The following ANK3 variants were observed in gnomAD, a reference collection of about 807,000 sequenced individuals.
ANK3 encodes the protein ankyrin 3.
In ANK3, 57 loss-of-function variants were observed where a neutral mutation model predicts 370.9. That is an observed-to-expected ratio of 0.15 (90% CI 0.12 to 0.19). The LOEUF is 0.19. Ranked by LOEUF, ANK3 falls within the 10% of genes least tolerant of loss-of-function variation. The pLI, the probability that ANK3 is intolerant of heterozygous loss-of-function variation, is 1.00. For missense variants in ANK3, 4,439 were observed against 5,302.1 expected (o/e 0.84, Z 5.06); for synonymous variants, 1,929 against 1,946.3 (o/e 0.99, Z 0.23).
At chr10:60,728,111 CT>C (rs35251558) in intron 1 of ANK3, among the ~76,000 whole-genome samples, 6 of 152,090 alleles carry the variant, frequency 3.9e-5, no homozygotes, top group Admixed American at 2.6e-4. Context: ...CAAATCAGGG[CT>C]TTTTTTCTTT....
chr10:60,567,523 C>T lies in ANK3; in HGVS notation c.96+47663G>A, dbSNP rs371727393. ...CAATGCACCTGATCACCCAAGATCT[C>T]TGATGGAGATATACAAGCAGACTAA... On this transcript the variant is annotated intron_variant, in intron 2 of 43. Transcript: ENST00000373827. 9.9e-5 allele frequency among the ~76,000 whole-genome samples: 15 copies of T among 152,240 alleles called. No homozygotes were observed. In the East Asian group the frequency reaches 2.7e-3, roughly 27 times the overall value.
chr10:60,077,301 T>A (rs2084057691), intron 36 of ANK3, among the ~76,000 whole-genome samples: 2 of 152,202 alleles, frequency 1.3e-5, no homozygotes, highest in African/African-American at 2.4e-5. Flanking sequence ...TTAAAATGCA[T>A]GTGTACATAT....
At chr10:60,638,286 T>G (rs1368121084) in intron 1 of ANK3, among the ~76,000 whole-genome samples, 1 of 152,160 alleles carries the variant, frequency 6.6e-6, no homozygotes, top group Non-Finnish European at 1.5e-5. Context: ...CATGCGATAT[T>G]GGGTAGACCT....
At chr10:60,520,071 G>GT (rs1163317697) in intron 2 of ANK3, among the ~76,000 whole-genome samples, 2 of 152,032 alleles carry the variant, frequency 1.3e-5, no homozygotes, top group Non-Finnish European at 2.9e-5. Flanking sequence ...CATTTTAGCG[G>GT]TACATATACA....
intron 23 of ANK3, among the ~76,000 whole-genome samples, chr10:60,152,301 A>G (rs1015690305): frequency 6.6e-6 from 1 of 152,162 alleles, no homozygotes; most frequent in Non-Finnish European, 1.5e-5. Context: ...GTATCACACA[A>G]TCAGGCCTGT....
intron 8 of ANK3, among the ~76,000 whole-genome samples, chr10:60,217,429 T>C (rs537633156): frequency 6.6e-6 from 1 of 152,228 alleles, no homozygotes; most frequent in East Asian, 1.9e-4. Context: ...ACTGCTTTAG[T>C]TGCCTCCTAG....
At chr10:60,691,180 C>T (rs941011387) in intron 1 of ANK3, among the ~76,000 whole-genome samples, 1 of 152,150 alleles carries the variant, frequency 6.6e-6, no homozygotes, top group Admixed American at 6.6e-5. Context: ...TTTCTTGACA[C>T]ATAGAGAAAA....
At position 60,072,772 on chromosome 10, in the gene ANK3, C is replaced by T. The variant is rs1347146288; in HGVS notation, c.8109G>A (p.Gly2703=). 1 of 1,613,964 alleles carries T rather than the reference C, an allele frequency of 6.2e-7. No homozygotes were observed. The highest frequency in any genetic ancestry group is 8.5e-7 in the Non-Finnish European group (1 of 1,180,002). ...GTTTGAGCTGGAATCCAGACTGGGG[C>T]CCATCTGGTGCTTTGCTCTGTGAAA... The part of the protein sequence containing the change: ...GSISQSKAPD[G]PQSGFQLKQS... The change falls in exon 37 of 44, where the codon GGG becomes GGA. Residue 2703 remains glycine (G), a synonymous_variant. Transcript: ENST00000280772.
At chr10:60,462,022 T>C (rs2064897592) in intron 2 of ANK3, among the ~76,000 whole-genome samples, 1 of 152,162 alleles carries the variant, frequency 6.6e-6, no homozygotes, top group Non-Finnish European at 1.5e-5. Context: ...ATGGGCAATT[T>C]GTGCTTTGAG....
intron 2 of ANK3, among the ~76,000 whole-genome samples, chr10:60,469,624 G>T (rs2065154757): frequency 4.0e-4 from 2 of 5,062 alleles, no homozygotes; most frequent in African/African-American, 9.3e-4. Flanking sequence ...TATATATGGT[G>T]GTATATATAT....
At chr10:60,330,310 C>T (rs1274789092) in intron 1 of ANK3, among the ~76,000 whole-genome samples, 2 of 152,170 alleles carry the variant, frequency 1.3e-5, no homozygotes, top group Non-Finnish European at 1.5e-5. Context: ...AGAGCTTCTG[C>T]ACAGCAAAAG....
At chr10:60,613,717 T>C (rs1427748974) in intron 2 of ANK3, among the ~76,000 whole-genome samples, 1 of 151,302 alleles carries the variant, frequency 6.6e-6, no homozygotes, top group Non-Finnish European at 1.5e-5. Context: ...GAGTCCTTCA[T>C]GAAAAAAACC....
intron 11 of ANK3, 26 bp from the exon 12 acceptor site, chr10:60,203,126 G>A: frequency 6.4e-7 from 1 of 1,568,896 alleles, no homozygotes; most frequent in Non-Finnish European, 8.8e-7. Flanking sequence ...GAAAATGGTG[G>A]TTTGTTGGCT....
intron 1 of ANK3, among the ~76,000 whole-genome samples, chr10:60,720,106 C>G (rs553171935): frequency 1.3e-5 from 2 of 152,152 alleles, no homozygotes; most frequent in African/African-American, 4.8e-5. Flanking sequence ...CCTTTTGCAA[C>G]AGAGAATTTG....
At chr10:60,296,182 G>A (rs541778751) in intron 1 of ANK3, among the ~76,000 whole-genome samples, 1 of 152,288 alleles carries the variant, frequency 6.6e-6, no homozygotes, top group African/African-American at 2.4e-5. Context: ...AGTTCTCCTA[G>A]AGTCTTTCCA....
chr10:60,386,416 C>G (rs142125728), intron 1 of ANK3, among the ~76,000 whole-genome samples: 2 of 151,736 alleles, frequency 1.3e-5, no homozygotes, highest in Non-Finnish European at 2.9e-5. Flanking sequence ...TCCACCTAGA[C>G]GCATTTCCTT....
intron 1 of ANK3, among the ~76,000 whole-genome samples, chr10:60,642,526 A>G (rs904802595): frequency 1.4e-4 from 21 of 152,062 alleles, no homozygotes; most frequent in African/African-American, 5.1e-4. Flanking sequence ...GTAAACTATC[A>G]CAAGGACAGA....
intron 1 of ANK3, among the ~76,000 whole-genome samples, chr10:60,300,064 T>A (rs551551886): frequency 6.6e-6 from 1 of 152,300 alleles, no homozygotes; most frequent in Admixed American, 6.5e-5. Flanking sequence ...TTGTTATGCA[T>A]CCTCTTAAGG....
intron 7 of ANK3, among the ~76,000 whole-genome samples, chr10:60,254,332 T>G (rs2097707197): frequency 6.6e-6 from 1 of 152,110 alleles, no homozygotes; most frequent in Non-Finnish European, 1.5e-5. Flanking sequence ...AAACATATGT[T>G]TGCAAATGCA....
Sources: gnomAD v4.1 joint callset for allele counts (sites outside exome capture counted in the v4.1 genomes callset) on GRCh38, gnomAD v4.1.1 for gene constraint, MANE v1.5 for transcripts, NCBI Gene and HGNC (gene_info 2026-07-23, HGNC 2026-07-21) for gene names.